The following ADK variants were observed in gnomAD, a reference collection of about 807,000 sequenced individuals.
The protein encoded by ADK is adenosine kinase.
A neutral mutation model predicts 44.7 loss-of-function variants in ADK; 24 were observed. The ratio of observed to expected loss-of-function variants is 0.54; its 90% CI spans 0.39 to 0.76. ADK has a LOEUF of 0.76. Ranked by LOEUF, ADK falls within the 30% of genes least tolerant of loss-of-function variation. The pLI is 0.00. For synonymous variants in ADK, 128 were observed against 142.6 expected (o/e 0.90, Z 0.73); for missense variants, 321 against 425.1 (o/e 0.76, Z 2.15).
intron 4 of ADK, among the ~76,000 whole-genome samples, chr10:74,369,074 C>T (rs11001014): frequency 0.14 from 21,462 of 152,200 alleles, 1,665 homozygotes; most frequent in African/African-American, 0.2. Flanking sequence ...AGAGTTACTA[C>T]TTTGGCATGG....
chr10:74,193,239 G>A (rs1843007721), intron 1 of ADK, among the ~76,000 whole-genome samples: 2 of 151,336 alleles, frequency 1.3e-5, no homozygotes, highest in Admixed American at 6.6e-5. Flanking sequence ...TATGATTAGT[G>A]TTTTCTTTTT....
chr10:74,538,126 G>A (rs1033239270), intron 7 of ADK, among the ~76,000 whole-genome samples: 8 of 152,016 alleles, frequency 5.3e-5, no homozygotes, highest in Non-Finnish European at 7.4e-5. Flanking sequence ...GTGGTGGCAC[G>A]CGCCTATAGT....
chr10:74,540,356 T>C (rs1448359978), intron 7 of ADK, among the ~76,000 whole-genome samples: 2 of 152,098 alleles, frequency 1.3e-5, no homozygotes, highest in African/African-American at 2.4e-5. Flanking sequence ...GTTACTGTAC[T>C]ATAAATTTGT....
intron 6 of ADK, among the ~76,000 whole-genome samples, chr10:74,517,684 G>C (rs915226864): frequency 2.1e-5 from 3 of 143,060 alleles, no homozygotes; most frequent in Non-Finnish European, 4.5e-5. Flanking sequence ...GCGAGTCTCT[G>C]TCTCAAAAAA....
At chr10:74,335,559 AT>A (rs1221860469) in intron 4 of ADK, among the ~76,000 whole-genome samples, 1 of 152,220 alleles carries the variant, frequency 6.6e-6, no homozygotes, top group African/African-American at 2.4e-5. Flanking sequence ...GCTGCTAAAA[AT>A]ATTTATACGT....
intron 6 of ADK, among the ~76,000 whole-genome samples, chr10:74,496,808 A>G (rs1358714964): frequency 6.6e-6 from 1 of 152,058 alleles, no homozygotes; most frequent in Non-Finnish European, 1.5e-5. Flanking sequence ...TAATTCACTG[A>G]CCCATCATTA....
intron 3 of ADK, among the ~76,000 whole-genome samples, chr10:74,302,800 A>G (rs1840104654): frequency 6.6e-6 from 1 of 152,148 alleles, no homozygotes; most frequent in Non-Finnish European, 1.5e-5. Flanking sequence ...TGTCTCAAAA[A>G]AAGGAAACGA....
At chr10:74,595,282 A>G (rs1851865062) in intron 8 of ADK, among the ~76,000 whole-genome samples, 1 of 148,236 alleles carries the variant, frequency 6.7e-6, no homozygotes, top group African/African-American at 2.5e-5. Context: ...GGTGCTCTTT[A>G]CTATAAAGCA....
intron 7 of ADK, among the ~76,000 whole-genome samples, chr10:74,549,414 TACTA>T (rs1167784825): frequency 6.6e-6 from 1 of 152,190 alleles, no homozygotes; most frequent in African/African-American, 2.4e-5. Context: ...TTAGTTTACT[TACTA>T]GATTGTAAAT....
At chr10:74,342,495 C>T (rs1179227174) in intron 4 of ADK, among the ~76,000 whole-genome samples, 4 of 152,088 alleles carry the variant, frequency 2.6e-5, no homozygotes, top group African/African-American at 7.2e-5. Flanking sequence ...GTTTTTGAGA[C>T]AGGCTCATGC....
At chr10:74,316,719 T>C (rs1005094436) in intron 4 of ADK, among the ~76,000 whole-genome samples, 2 of 152,332 alleles carry the variant, frequency 1.3e-5, no homozygotes, top group Middle Eastern at 6.8e-3. Flanking sequence ...GAAAATGAAC[T>C]AATACCGGGA....
chr10:74,695,555 A>C (rs1291046876), intron 10 of ADK, among the ~76,000 whole-genome samples: 2 of 150,516 alleles, frequency 1.3e-5, no homozygotes, highest in African/African-American at 4.9e-5. Flanking sequence ...CTATATACAA[A>C]GCTGCTCTCA....
chr10:74,250,579 ATACTT>A (rs1025212109), intron 3 of ADK, among the ~76,000 whole-genome samples: 2 of 152,224 alleles, frequency 1.3e-5, no homozygotes, highest in Admixed American at 6.5e-5. Context: ...GCAGGCAAAC[ATACTT>A]AGTCTGCAGT....
intron 4 of ADK, among the ~76,000 whole-genome samples, chr10:74,321,183 T>A (rs1840795496): frequency 6.6e-6 from 1 of 152,234 alleles, no homozygotes; most frequent in South Asian, 2.1e-4. Context: ...TCAAAAATTT[T>A]AAATACCATC....
chr10:74,343,607 TTTTG>T (rs1209123001), intron 4 of ADK, among the ~76,000 whole-genome samples: 4 of 152,082 alleles, frequency 2.6e-5, no homozygotes, highest in South Asian at 4.2e-4. Context: ...GCCAAATGCT[TTTTG>T]TTTGTTTGTT....
chr10:74,231,704 G>A (rs925964555), intron 3 of ADK, among the ~76,000 whole-genome samples: 1 of 143,514 alleles, frequency 7.0e-6, no homozygotes, highest in African/African-American at 2.6e-5. Context: ...GGGCTCAAGT[G>A]ATATGTCTGC....
Position 74,183,560 on chromosome 10 carries a change from G to A in ADK, c.66-17204G>A. Among the ~76,000 whole-genome samples, 2 of 151,872 alleles carry A rather than the reference G, an allele frequency of 1.3e-5. 1 individual carries two copies. The highest frequency in any genetic ancestry group is 2.9e-5 in the Non-Finnish European group (2 of 67,988). Reference sequence around the variant, plus strand: ...AGTTTTGCTCTTGCTGCCCAGGCTGGAGTGCAGTGGCGCCATCTTGGCTCA... The same window carrying A: ...AGTTTTGCTCTTGCTGCCCAGGCTGAAGTGCAGTGGCGCCATCTTGGCTCA... On this transcript the variant is annotated intron_variant, in intron 1 of 10. Coordinates refer to ENST00000539909, the MANE Select transcript of ADK (RefSeq NM_006721.4).
At chr10:74,700,188 T>G (rs1856365946) in intron 10 of ADK, among the ~76,000 whole-genome samples, 1 of 152,192 alleles carries the variant, frequency 6.6e-6, no homozygotes, top group Non-Finnish European at 1.5e-5. Context: ...AGATACTATG[T>G]AGCTGTAAAA....
chr10:74,403,138 G>T (rs1843777236), intron 6 of ADK, among the ~76,000 whole-genome samples: 1 of 152,230 alleles, frequency 6.6e-6, no homozygotes, highest in East Asian at 1.9e-4. Context: ...GTTGTATGAG[G>T]TGTCTGTTGG....
Sources: gnomAD v4.1 joint callset for allele counts (sites outside exome capture counted in the v4.1 genomes callset) on GRCh38, gnomAD v4.1.1 for gene constraint, MANE v1.5 for transcripts, NCBI Gene and HGNC (gene_info 2026-07-23, HGNC 2026-07-21) for gene names.